YBX1: variants seen among roughly 807,000 people sequenced by gnomAD.
YBX1 encodes the protein Y-box binding protein 1.
Under a neutral mutation model 41.4 loss-of-function variants are expected in YBX1, and 3 were observed. The ratio of observed to expected loss-of-function variants is 0.07; its 90% CI spans 0.03 to 0.19. YBX1 has a LOEUF of 0.19. Ranked by LOEUF, YBX1 falls within the 10% of genes least tolerant of loss-of-function variation. YBX1 has a pLI of 1.00. For synonymous variants in YBX1, 133 were observed against 165.8 expected (o/e 0.80, Z 1.52); for missense variants, 274 against 462.8 (o/e 0.59, Z 3.74).
intron 6 of YBX1, 133 bp downstream of exon 6, chr1:42,697,395 G>T: frequency 1.2e-6 from 1 of 819,888 alleles, no homozygotes; most frequent in South Asian, 2.1e-5. Flanking sequence ...TGCCTAAGAG[G>T]TGAACCTATT....
At chr1:42,685,663 T>C (rs1225621909) in intron 2 of YBX1, among the ~76,000 whole-genome samples, 1 of 152,186 alleles carries the variant, frequency 6.6e-6, no homozygotes, top group Non-Finnish European at 1.5e-5. Flanking sequence ...GAGGGTGCAG[T>C]GTTCGGGATG....
intron 3 of YBX1, among the ~76,000 whole-genome samples, chr1:42,695,252 T>G (rs1650431843): frequency 6.6e-6 from 1 of 152,188 alleles, no homozygotes; most frequent in African/African-American, 2.4e-5. Flanking sequence ...GGCCTCAGAT[T>G]CGTTGATTGT....
chr1:42,694,619 A>G (rs1429471291), intron 3 of YBX1, among the ~76,000 whole-genome samples: 2 of 152,256 alleles, frequency 1.3e-5, no homozygotes, highest in East Asian at 3.8e-4. Flanking sequence ...TGTCCTACAC[A>G]GTATTTGATG....
At position 42,683,407 on chromosome 1, in the gene YBX1, G is replaced by A. The variant is rs1650110373; in HGVS notation, c.171G>A (p.Thr57=). 6.2e-7 allele frequency: 1 copy of A among 1,614,200 alleles called. No individual in the cohort carries two copies. Among genetic ancestry groups the A allele is most frequent in the South Asian group, 1.1e-5 (1 of 91,076 alleles). The change falls in exon 2 of 8, where the codon ACG becomes ACA. Residue 57 remains threonine, a synonymous_variant. Coordinates refer to ENST00000321358, the MANE Select transcript of YBX1 (RefSeq NM_004559.5). ...TTGCTTTGTTTTCTTTTCCAGCAAC[G>A]AAGGTTTTGGGAACAGTAAAATGGT... ...PAGGDKKVIA[T]KVLGTVKWFN...
rs1317797959 is a variant in YBX1 at position 42,682,822 on chromosome 1, C to G, written c.166+91C>G. 3 of 810,610 alleles carry G rather than the reference C, an allele frequency of 3.7e-6. No homozygotes were observed. In the African/African-American group the frequency reaches 5.5e-5, roughly 15 times the overall value. 50.2% of individuals were successfully genotyped at this position (810,610 alleles called of 1,614,324 possible). On this transcript the variant is annotated intron_variant, in intron 1 of 7. Coordinates refer to ENST00000321358, the MANE Select transcript of YBX1 (RefSeq NM_004559.5). ...GCTGGGCGAGCCGGCGGGCGCGCGG[C>G]CGGTGGGCACCGACTCCGCGGCGCG...
At position 42,696,353 on chromosome 1, in the gene YBX1, T is replaced by G. The variant is rs1426683346; in HGVS notation, c.354+65T>G. On this transcript the variant is annotated intron_variant, in intron 4 of 7. Coordinates refer to ENST00000321358, the MANE Select transcript of YBX1 (RefSeq NM_004559.5). The surrounding 1 kb of genome is among the most constrained non-coding windows in gnomAD (Gnocchi z 5.7). ...GAAATATTTTGGAGGTCTCATCCAT[T>G]AGGATGGTGGCTCTAATGTGGATGG... is the stretch of plus-strand genomic sequence containing the variant. 5.3e-6 allele frequency: 8 copies of G among 1,511,890 alleles called. No individual in the cohort carries two copies. In the Admixed American group the frequency reaches 1.4e-4, roughly 26 times the overall value. The allele number at this position is 1,511,890 out of a possible 1,614,324, so 93.7% of individuals were successfully genotyped here.
intron 7 of YBX1, among the ~76,000 whole-genome samples, chr1:42,701,617 C>T (rs1650603695): frequency 6.6e-6 from 1 of 151,404 alleles, no homozygotes; most frequent in Non-Finnish European, 1.5e-5. Flanking sequence ...CGTGGTTTAT[C>T]ATGGTTTATT....
rs1650576855 is a variant in YBX1 at position 42,700,719 on chromosome 1, C to T, written c.741-62C>T. ...GTTAGTTGTGAACCAACTGGTTACA[C>T]TGGTGGGTGTGTTGAAGAGAGAAGG... On this transcript the variant is annotated intron_variant, in intron 6 of 7. Transcript: ENST00000321358. The T allele has an allele frequency of 3.5e-6, 5 of 1,441,732 alleles. No homozygotes were observed. In the East Asian group the frequency reaches 1.3e-4, roughly 38 times the overall value. The allele number at this position is 1,441,732 out of a possible 1,614,324, so 89.3% of individuals were successfully genotyped here. A position where few individuals can be genotyped will look rare whatever the true frequency, so the allele number is the denominator to read the frequency against.
chr1:42,683,097 G>A, intron 1 of YBX1: 1 of 550,180 alleles, frequency 1.8e-6, no homozygotes, highest in Non-Finnish European at 3.4e-6. Context: ...CTCGGAGGGC[G>A]CGGCGCACCG....
chr1:42,689,605 G>A (rs889529085), intron 2 of YBX1, among the ~76,000 whole-genome samples: 1 of 152,198 alleles, frequency 6.6e-6, no homozygotes, highest in Admixed American at 6.5e-5. Context: ...TTTAAAAGGA[G>A]TGGGAGGGGG....
intron 5 of YBX1, 82 bp from the exon 6 acceptor site, chr1:42,697,098 T>C: frequency 6.6e-7 from 1 of 1,526,580 alleles, no homozygotes; most frequent in Non-Finnish European, 8.8e-7. Context: ...TTTTGTTTGT[T>C]TTTTAACTCT....
In YBX1 at chr1:42,698,732, G is replaced by GT. The variant is rs146038645; in HGVS notation, c.740+1475dup. 6.5e-3 allele frequency among the ~76,000 whole-genome samples: 993 copies of GT among 152,260 alleles called. 13 individuals carry two copies. The highest frequency in any genetic ancestry group is 0.023 in the African/African-American group (945 of 41,552). ...CCATTGTTACCCCTCCAGTGCAGAG[G>GT]TTTTTGCCTTTTGGTTTAAGTTAGA... On this transcript the variant is annotated intron_variant, in intron 6 of 7. Transcript: ENST00000321358.
chr1:42,689,336 T>C (rs757684722), intron 2 of YBX1, among the ~76,000 whole-genome samples: 5 of 152,204 alleles, frequency 3.3e-5, no homozygotes, highest in Non-Finnish European at 7.3e-5. Flanking sequence ...CTTTAGGTTA[T>C]GGAGCATATA....
intron 7 of YBX1, 91 bp downstream of exon 7, chr1:42,701,137 C>T: frequency 1.1e-6 from 1 of 874,450 alleles, no homozygotes; most frequent in East Asian, 2.7e-5. Flanking sequence ...ACCTCAGTTC[C>T]ATCAGATAAT....
At chr1:42,689,372 A>G (rs1451827209) in intron 2 of YBX1, among the ~76,000 whole-genome samples, 1 of 152,160 alleles carries the variant, frequency 6.6e-6, no homozygotes, top group Non-Finnish European at 1.5e-5. Context: ...AGTTTTTATA[A>G]CCACAGGATT....
intron 2 of YBX1, 43 bp from the exon 3 acceptor site, chr1:42,693,447 T>G: frequency 6.2e-7 from 1 of 1,609,642 alleles, no homozygotes; most frequent in Non-Finnish European, 8.5e-7. Flanking sequence ...AACATGAGAT[T>G]TATTTCATTT....
At position 42,700,957 on chromosome 1, in the gene YBX1, C is replaced by T; in HGVS notation, c.917C>T (p.Ala306Val). The change falls in exon 7 of 8, where the codon GCC becomes GTC. Residue 306 changes from alanine to valine, a missense_variant. Transcript: ENST00000321358. ...CAAGATGGCAAAGAGACAAAAGCAG[C>T]CGATCCACCAGCTGAGAATTCGTCC... is the stretch of plus-strand genomic sequence containing the variant. The part of the protein sequence containing the change: ...KPQDGKETKA[A>V]DPPAENSSAP... 1.2e-6 allele frequency: 2 copies of T among 1,614,134 alleles called. No individual in the cohort carries two copies. Among genetic ancestry groups the T allele is most frequent in the Non-Finnish European group, 8.5e-7 (1 of 1,180,034 alleles).
intron 7 of YBX1, among the ~76,000 whole-genome samples, chr1:42,701,757 C>T (rs760627162): frequency 6.6e-6 from 1 of 152,062 alleles, no homozygotes; most frequent in Non-Finnish European, 1.5e-5. Context: ...GATTCTTTTT[C>T]ATTTCGCTTT....
At chr1:42,693,582 A>T in intron 3 of YBX1, 59 bp downstream of exon 3, 1 of 1,580,058 alleles carries the variant, frequency 6.3e-7, no homozygotes, top group South Asian at 1.1e-5. Flanking sequence ...AGAAAAGGTT[A>T]GATATGTTCT....
Sources: gnomAD v4.1 joint callset for allele counts (sites outside exome capture counted in the v4.1 genomes callset) on GRCh38, gnomAD v4.1.1 for gene constraint, Gnocchi (gnomAD v3.1) non-coding constraint, MANE v1.5 for transcripts, NCBI Gene and HGNC (gene_info 2026-07-23, HGNC 2026-07-21) for gene names.